BTK: variants seen among roughly 807,000 people sequenced by gnomAD.
BTK encodes Bruton tyrosine kinase.
A neutral mutation model predicts 57.4 loss-of-function variants in BTK; 5 were observed. The observed-to-expected ratio is 0.09, with a 90% CI of 0.05 to 0.18. The LOEUF is 0.18. Ranked by LOEUF, BTK falls within the 10% of genes least tolerant of loss-of-function variation. The probability of loss-of-function intolerance (pLI) is 1.00; values close to 1 mark genes in which losing one functional copy is unlikely to be tolerated. For synonymous variants in BTK, 154 were observed against 174.3 expected (o/e 0.88, Z 0.92); for missense variants, 194 against 501.2 (o/e 0.39, Z 5.85).
At chrX:101,355,881 A>G in intron 15 of BTK, 171 bp downstream of exon 15, 1 of 528,481 alleles carries the variant, frequency 1.9e-6, no homozygotes, top group Non-Finnish European at 3.3e-6. Flanking sequence ...GAGGCTGGAG[A>G]TATTTGATGG....
chrX:101,349,746 C>A lies in BTK; in HGVS notation c.*139G>T. 1 of 522,743 alleles carries A rather than the reference C, an allele frequency of 1.9e-6. No homozygotes were observed. Among genetic ancestry groups the A allele is most frequent in the Non-Finnish European group, 3.3e-6 (1 of 300,131 alleles). 43.1% of individuals were successfully genotyped at this position (522,743 alleles called of 1,213,427 possible). On this transcript the variant is annotated 3_prime_UTR_variant, in exon 19 of 19. Coordinates refer to ENST00000308731, the MANE Select transcript of BTK (RefSeq NM_000061.3). ...CAGGGAATCAAAGAAGAGGTGCATT[C>A]CCAGATGTAGAGAGGGGCCTTTTTG...
At chrX:101,360,454 T>G (rs988285309) in intron 8 of BTK, 114 bp downstream of exon 8, 21 of 821,921 alleles carry the variant, frequency 2.6e-5, no homozygotes, top group South Asian at 2.4e-4. Flanking sequence ...TTCAGTCTGG[T>G]GTGGGAAGAA....
chrX:101,378,844 T>G (rs1229801750), intron 1 of BTK, among the ~76,000 whole-genome samples: 1 of 111,068 alleles, frequency 9.0e-6, no homozygotes, highest in African/African-American at 3.3e-5. Flanking sequence ...TAAACCATCT[T>G]GGGCTCTTAT....
At chrX:101,376,721 T>C (rs1164023971) in intron 1 of BTK, among the ~76,000 whole-genome samples, 1 of 110,144 alleles carries the variant, frequency 9.1e-6, no homozygotes, top group Admixed American at 9.7e-5. Context: ...TGGTAGGGAT[T>C]TTTCCTCTGG....
intron 1 of BTK, among the ~76,000 whole-genome samples, chrX:101,379,298 C>T (rs1429744573): frequency 1.8e-5 from 2 of 111,735 alleles, no homozygotes; most frequent in Middle Eastern, 4.2e-3. Flanking sequence ...AACTGTACTT[C>T]AAATGACTAC....
Position 101,373,373 on chromosome X carries a change from G to C in BTK, c.240+1163C>G, listed in dbSNP as rs782519692. On this transcript the variant is annotated intron_variant, in intron 3 of 18. Coordinates refer to ENST00000308731, the MANE Select transcript of BTK (RefSeq NM_000061.3). Reference sequence around the variant, plus strand: ...ACTATCAAGTACTTGTAGACAAACCGAATGTGTAATAATGGGAGATTAAAC... The same window carrying C: ...ACTATCAAGTACTTGTAGACAAACCCAATGTGTAATAATGGGAGATTAAAC... Among the ~76,000 whole-genome samples the C allele has an allele frequency of 1.7e-4, 19 of 111,821 alleles. 1 individual carries two copies. The East Asian group carries it at 4.5e-3, about 26-fold the overall frequency.
intron 17 of BTK, 95 bp from the exon 18 acceptor site, chrX:101,353,446 T>C: frequency 1.1e-6 from 1 of 935,420 alleles, no homozygotes; most frequent in Non-Finnish European, 1.5e-6. Context: ...TTAGAATCAG[T>C]TGGTTCCCCG....
At position 101,370,074 on chromosome X, in the gene BTK, T is replaced by C. The variant is rs1555980060; in HGVS notation, c.315A>G (p.Val105=). ...AGACGTAGAGAGGCCCTTCATCATA[T>C]ACAACCTGGGTCGATGAAAACACAG... ...IERFPYPFQV[V]YDEGPLYVFS... The change falls in exon 5 of 19, where the codon GTA becomes GTG. Residue 105 remains valine, a synonymous_variant. Transcript: ENST00000308731. 1 of 1,207,403 alleles carries C rather than the reference T, an allele frequency of 8.3e-7. No individual in the cohort carries two copies. Among genetic ancestry groups the C allele is most frequent in the Non-Finnish European group, 1.1e-6 (1 of 891,693 alleles).
intron 5 of BTK, among the ~76,000 whole-genome samples, chrX:101,367,930 G>A (rs782202422): frequency 1.8e-5 from 2 of 111,650 alleles, no homozygotes; most frequent in East Asian, 5.7e-4. Context: ...GGCGCTGTAT[G>A]AGGCATTGTG....
chrX:101,376,223 C>T (rs1468031749), intron 1 of BTK, among the ~76,000 whole-genome samples: 1 of 112,045 alleles, frequency 8.9e-6, no homozygotes, highest in Non-Finnish European at 1.9e-5. Context: ...TTTATTCACA[C>T]CAAGCAACAC....
chrX:101,361,145 G>A (rs1926657642), intron 7 of BTK, among the ~76,000 whole-genome samples: 1 of 110,049 alleles, frequency 9.1e-6, no homozygotes, highest in East Asian at 2.9e-4. Flanking sequence ...GACCCCAGGA[G>A]GCGGAGGTTG....
chrX:101,374,411 T>C, intron 3 of BTK, 125 bp downstream of exon 3: 2 of 593,626 alleles, frequency 3.4e-6, no homozygotes, highest in Non-Finnish European at 5.8e-6. Flanking sequence ...GAGTGAAGAA[T>C]TTTTAAAGGA....
chrX:101,383,267 C>A (rs1555982055), intron 1 of BTK, among the ~76,000 whole-genome samples: 1 of 111,196 alleles, frequency 9.0e-6, no homozygotes, highest in Non-Finnish European at 1.9e-5. Context: ...GTTCAAGGTA[C>A]CTTTTTCCAA....
intron 12 of BTK, 86 bp from the exon 13 acceptor site, chrX:101,357,669 G>T: frequency 4.0e-6 from 3 of 749,736 alleles, no homozygotes; most frequent in Non-Finnish European, 6.3e-6. Flanking sequence ...TCACACTTCC[G>T]GTGTGTATCT....
At chrX:101,380,914 G>A (rs895493410) in intron 1 of BTK, among the ~76,000 whole-genome samples, 9 of 104,905 alleles carry the variant, frequency 8.6e-5, no homozygotes, top group Non-Finnish European at 1.7e-4. Flanking sequence ...GCTGAGGCGG[G>A]AGAATCCCTT....
At chrX:101,359,082 G>A (rs1197410641) in intron 10 of BTK, among the ~76,000 whole-genome samples, 2 of 111,939 alleles carry the variant, frequency 1.8e-5, no homozygotes, top group Non-Finnish European at 3.8e-5. Context: ...AGGTTGCAGT[G>A]AGCCCAGATC....
chrX:101,371,162 C>G (rs1462612059), intron 4 of BTK, among the ~76,000 whole-genome samples: 1 of 112,189 alleles, frequency 8.9e-6, no homozygotes, highest in African/African-American at 3.2e-5. Flanking sequence ...TAAACAGATG[C>G]ATATGTGGCA....
Position 101,375,247 on chromosome X carries a change from C to T in BTK, c.38G>A (p.Arg13Gln), listed in dbSNP as rs868924845. ...TGATGTTTTCTTTTTCTGTTGGGAT[C>T]GCTTCAGAAAGATGCTCTCCAGAAT... ...AVILESIFLK[R>Q]SQQKKKTSPL... The change falls in exon 2 of 19, where the codon CGA becomes CAA. Residue 13 changes from arginine to glutamine, a missense_variant. Physicochemically the swap from Arg to Gln is conservative, Grantham distance 43. Coordinates refer to ENST00000308731, the MANE Select transcript of BTK (RefSeq NM_000061.3). 2 of 1,209,905 alleles carry T rather than the reference C, an allele frequency of 1.7e-6. No individual in the cohort carries two copies. The highest frequency in any genetic ancestry group is 2.2e-6 in the Non-Finnish European group (2 of 895,258).
intron 18 of BTK, among the ~76,000 whole-genome samples, chrX:101,351,162 A>ATT (rs1926276257): frequency 9.0e-6 from 1 of 111,081 alleles, no homozygotes; most frequent in Non-Finnish European, 1.9e-5. Context: ...CGCCTGGTTA[A>ATT]TTTTTGTATT....
Sources: allele counts gnomAD v4.1 joint callset (sites outside exome capture counted in the v4.1 genomes callset), GRCh38; gene constraint gnomAD v4.1.1; transcripts MANE v1.5; gene names NCBI Gene and HGNC (gene_info 2026-07-23, HGNC 2026-07-21).